AMMECR1: variants seen among roughly 807,000 people sequenced by gnomAD.
AMMECR1 encodes AMMECR nuclear protein 1.
Under a neutral mutation model 22.5 loss-of-function variants are expected in AMMECR1, and 3 were observed. The ratio of observed to expected loss-of-function variants is 0.13; its 90% CI spans 0.06 to 0.35. The LOEUF is 0.35. Ranked by LOEUF, AMMECR1 falls within the 10% of genes least tolerant of loss-of-function variation. The pLI is 1.00. For synonymous variants in AMMECR1, 130 were observed against 116.7 expected, an observed-to-expected ratio of 1.11 and a Z score of -0.74; for missense variants, 235 against 278.7, an observed-to-expected ratio of 0.84 and a Z score of 1.12.
chrX:110,394,464 G>A (rs1205897780), intron 2 of AMMECR1, among the ~76,000 whole-genome samples: 1 of 112,237 alleles, frequency 8.9e-6, no homozygotes, highest in African/African-American at 3.2e-5. Context: ...TGTTGCCCAG[G>A]CTGGTATTTG....
At chrX:110,310,484 C>G (rs1326153685) in intron 1 of AMMECR1, among the ~76,000 whole-genome samples, 1 of 111,545 alleles carries the variant, frequency 9.0e-6, no homozygotes, top group Admixed American at 9.5e-5. Flanking sequence ...TTCTATAAAC[C>G]GATGTGTCCT....
intron 2 of AMMECR1, among the ~76,000 whole-genome samples, chrX:110,407,445 T>C (rs1485743205): frequency 8.9e-6 from 1 of 112,238 alleles, no homozygotes; most frequent in African/African-American, 3.2e-5. Flanking sequence ...TTTCAGCACA[T>C]ACCATGTGAT....
chrX:110,273,403 T>C (rs187802289), intron 1 of AMMECR1, among the ~76,000 whole-genome samples: 24 of 112,225 alleles, frequency 2.1e-4, no homozygotes, highest in African/African-American at 7.8e-4. Context: ...TGTTAGTCCT[T>C]TGTCAGAAGC....
chrX:110,405,261 C>G lies in AMMECR1; in HGVS notation c.-148+21397G>C, dbSNP rs1056928582. 2.7e-5 allele frequency among the ~76,000 whole-genome samples: 3 copies of G among 111,394 alleles called. No homozygotes were observed. The East Asian group carries it at 8.4e-4, about 31-fold the overall frequency. Reference sequence around the variant, plus strand: ...CCCTCAGGGAAGAAGATGTAGAATGCCAAATTGCAAAGGGAGCTTGTAAAG... The same window carrying G: ...CCCTCAGGGAAGAAGATGTAGAATGGCAAATTGCAAAGGGAGCTTGTAAAG... On this transcript the variant is annotated intron_variant, in intron 2 of 7. Coordinates refer to the AMMECR1 transcript ENST00000372057.
chrX:110,408,754 A>G (rs2068620604), intron 2 of AMMECR1, among the ~76,000 whole-genome samples: 1 of 112,354 alleles, frequency 8.9e-6, no homozygotes, highest in African/African-American at 3.2e-5. Context: ...GATTCTATAT[A>G]AAGGCACAAG....
intron 1 of AMMECR1, among the ~76,000 whole-genome samples, chrX:110,308,821 G>A (rs977993504): frequency 9.1e-6 from 1 of 110,434 alleles, no homozygotes; most frequent in African/African-American, 3.3e-5. Context: ...GAATTGTGTT[G>A]AGAACACATG....
intron 1 of AMMECR1, among the ~76,000 whole-genome samples, chrX:110,432,508 C>G (rs1043170006): frequency 1.8e-5 from 2 of 111,835 alleles, no homozygotes; most frequent in African/African-American, 3.3e-5. Context: ...TGTGAGGCAG[C>G]GTTGGGGGCC....
At chrX:110,350,900 C>T (rs954823982) in intron 2 of AMMECR1, among the ~76,000 whole-genome samples, 2 of 110,740 alleles carry the variant, frequency 1.8e-5, no homozygotes, top group South Asian at 7.9e-4. Flanking sequence ...TTGAGCCTGG[C>T]CAGTTGAGAC....
intron 2 of AMMECR1, among the ~76,000 whole-genome samples, chrX:110,245,410 T>A (rs1381737007): frequency 9.0e-6 from 1 of 111,730 alleles, no homozygotes; most frequent in African/African-American, 3.3e-5. Flanking sequence ...ATATTGAGCA[T>A]TCCATTTAAC....
chrX:110,236,304 C>T (rs138131679), intron 2 of AMMECR1, among the ~76,000 whole-genome samples: 148 of 111,029 alleles, frequency 1.3e-3, no homozygotes, highest in Non-Finnish European at 2.2e-3. Flanking sequence ...CACTACAATA[C>T]CATATTATAC....
chrX:110,412,814 AG>A (rs2068649915), intron 2 of AMMECR1, among the ~76,000 whole-genome samples: 1 of 112,409 alleles, frequency 8.9e-6, no homozygotes, highest in Admixed American at 9.4e-5. Flanking sequence ...ATTTTTGTTA[AG>A]GGTATTATAT....
At chrX:110,390,034 T>C (rs2068484083) in intron 2 of AMMECR1, among the ~76,000 whole-genome samples, 1 of 111,979 alleles carries the variant, frequency 8.9e-6, no homozygotes, top group African/African-American at 3.2e-5. Context: ...AGTTGTTTTT[T>C]TTTCACTTGA....
chrX:110,203,227 T>C (rs2067405788), intron 3 of AMMECR1, among the ~76,000 whole-genome samples: 1 of 112,048 alleles, frequency 8.9e-6, no homozygotes, highest in African/African-American at 3.2e-5. Context: ...CACTTCACTG[T>C]AGTGCATTAT....
intron 1 of AMMECR1, among the ~76,000 whole-genome samples, chrX:110,431,740 C>T (rs956138884): frequency 8.9e-6 from 1 of 111,839 alleles, no homozygotes; most frequent in Non-Finnish European, 1.9e-5. Flanking sequence ...CTTTCTCATA[C>T]GCCCTTGACA....
At chrX:110,313,175 C>T (rs908388462) in intron 1 of AMMECR1, among the ~76,000 whole-genome samples, 4 of 112,090 alleles carry the variant, frequency 3.6e-5, no homozygotes, top group African/African-American at 9.7e-5. Flanking sequence ...AACTTGACTA[C>T]GGTGGCAAGA....
At chrX:110,294,029 G>A (rs1254350195) in intron 1 of AMMECR1, among the ~76,000 whole-genome samples, 1 of 111,662 alleles carries the variant, frequency 9.0e-6, no homozygotes, top group African/African-American at 3.3e-5. Flanking sequence ...TTGTGTCTAG[G>A]TCAATCATCT....
intron 1 of AMMECR1, among the ~76,000 whole-genome samples, chrX:110,287,577 C>T (rs1343557708): frequency 1.3e-4 from 14 of 111,544 alleles, no homozygotes; most frequent in East Asian, 1.1e-3. Flanking sequence ...TCAGAATACC[C>T]GACCTCAACA....
chrX:110,428,680 C>T (rs778023228), intron 1 of AMMECR1, among the ~76,000 whole-genome samples: 4 of 111,257 alleles, frequency 3.6e-5, no homozygotes, highest in African/African-American at 1.3e-4. Context: ...AGTCATTCCT[C>T]ATTGTCTGCA....
At chrX:110,397,272 T>A (rs187912498) in intron 2 of AMMECR1, among the ~76,000 whole-genome samples, 33 of 111,734 alleles carry the variant, frequency 3.0e-4, no homozygotes, top group Admixed American at 2.8e-3. Flanking sequence ...AGTAAGTCTC[T>A]CAGAGCCTTG....
Sources: gnomAD v4.1 joint callset for allele counts (sites outside exome capture counted in the v4.1 genomes callset) on GRCh38, gnomAD v4.1.1 for gene constraint, MANE v1.5 for transcripts, NCBI Gene and HGNC (gene_info 2026-07-23, HGNC 2026-07-21) for gene names.